The following ATAD3B variants were observed in gnomAD, a reference collection of about 807,000 sequenced individuals.
ATAD3B encodes the protein ATPase family AAA domain-containing protein 3B.
In ATAD3B, 59 loss-of-function variants were observed where a neutral mutation model predicts 70.2. That is an observed-to-expected ratio of 0.84 (90% confidence interval 0.68 to 1.04). The LOEUF is 1.04. ATAD3B is among the 50% of genes least tolerant of loss of function. ATAD3B has a pLI of 0.00. For missense variants in ATAD3B, 961 were observed against 913.4 expected (o/e 1.05, Z -0.67); for synonymous variants, 423 against 388.6 (o/e 1.09, Z -1.04).
In ATAD3B at chr1:1,490,562, G is replaced by T; in HGVS notation, c.1506-1G>T. On this transcript the variant is annotated splice_acceptor_variant, in intron 14 of 15. Coordinates refer to ENST00000673477, the MANE Select transcript of ATAD3B (RefSeq NM_031921.6). LOFTEE classifies it high-confidence loss of function. ...GCCTCACTTGGGAACTCCTTCCCCA[G>T]GCGCCTGAAGCTGGCCCAGTTTGAC... 1.9e-6 allele frequency: 3 copies of T among 1,611,122 alleles called. No homozygotes were observed. Among genetic ancestry groups the T allele is most frequent in the African/African-American group, 1.3e-5 (1 of 75,026 alleles).
Position 1,495,518 on chromosome 1 carries a change from A to G in ATAD3B, c.1648A>G (p.Thr550Ala), listed in dbSNP as rs1230250422. The change falls in exon 16 of 16, where the codon ACT (threonine) becomes GCT (alanine). Residue 550 changes from threonine (T) to alanine (A), a missense_variant. Coordinates refer to ENST00000673477, the MANE Select transcript of ATAD3B (RefSeq NM_031921.6). The part of the protein sequence containing the change: ...TAYASKDGVL[T>A]EAMMDACVQD... ...ATATGCCTCCAAGGACGGGGTCCTCACTGAGGCCATGATGGACGCCTGTGT... is the reference window on the plus strand; with the variant it reads ...ATATGCCTCCAAGGACGGGGTCCTCGCTGAGGCCATGATGGACGCCTGTGT... The G allele has an allele frequency of 1.2e-6, 2 of 1,611,148 alleles. No homozygotes were observed. Among genetic ancestry groups the G allele is most frequent in the Non-Finnish European group, 1.7e-6 (2 of 1,177,960 alleles).
chr1:1,480,041 C>T lies in ATAD3B; in HGVS notation c.445-826C>T, dbSNP rs1325691831. Among the ~76,000 whole-genome samples, 7 of 146,210 alleles carry T rather than the reference C, an allele frequency of 4.8e-5. 2 individuals are homozygous for T. Among genetic ancestry groups the T allele is most frequent in the African/African-American group, 1.5e-4 (6 of 39,000 alleles). ...ACACATACACAACCCAGGCACACAC[C>T]CCCTTGCACAGACGGGCACGCACAC... On this transcript the variant is annotated intron_variant, in intron 4 of 15. Coordinates refer to ENST00000673477, the MANE Select transcript of ATAD3B (RefSeq NM_031921.6).
intron 7 of ATAD3B, chr1:1,484,722 A>G: frequency 1.7e-6 from 1 of 602,450 alleles, no homozygotes; most frequent in South Asian, 2.5e-5. Flanking sequence ...TGGCCCTGTG[A>G]CATCCAGCTG....
chr1:1,509,381 C>T, the ATAD3B span: 170 of 1,604,024 alleles, frequency 1.1e-4, no homozygotes, highest in Non-Finnish European at 2.2e-5. Flanking sequence ...CTCACGGAGC[C>T]TGGCCGCGGA....
At chr1:1,503,648 A>G in the ATAD3B span, 1 of 1,611,908 alleles carries the variant, frequency 6.2e-7, no homozygotes, top group African/African-American at 1.3e-5. Context: ...TTGGAGCAAC[A>G]GTCCAAGCTC....
Position 1,482,534 on chromosome 1 carries a change from T to C in ATAD3B, c.681-11T>C, listed in dbSNP as rs775366073. ...GTGTCCTTCCTGGTCACACCACTGC[T>C]TTCCCCGCAGGACGGCTGGCACCTT... is the stretch of plus-strand genomic sequence containing the variant. On this transcript the variant is annotated splice_polypyrimidine_tract_variant and intron_variant, in intron 6 of 15. Transcript: ENST00000673477. 6.4e-5 allele frequency: 103 copies of C among 1,613,280 alleles called. 2 individuals are homozygous for C. The highest frequency in any genetic ancestry group is 8.4e-5 in the Non-Finnish European group (99 of 1,179,544).
At chr1:1,494,167 G>A (rs1231685535) in intron 15 of ATAD3B, among the ~76,000 whole-genome samples, 1 of 150,360 alleles carries the variant, frequency 6.7e-6, no homozygotes, top group Admixed American at 6.6e-5. Context: ...GGACCCACCC[G>A]CGACCAGGTT....
chr1:1,498,469 TTAAAAAA>T (rs1303014503), downstream of ATAD3B, among the ~76,000 whole-genome samples: 3 of 151,696 alleles, frequency 2.0e-5, no homozygotes, highest in Non-Finnish European at 4.4e-5. Flanking sequence ...TCAAAATAAA[TTAAAAAA>T]TAAAAATAAA....
At chr1:1,501,063 A>T (rs114337282), downstream of ATAD3B, among the ~76,000 whole-genome samples, 1 of 152,120 alleles carries the variant, frequency 6.6e-6, no homozygotes, top group Non-Finnish European at 1.5e-5. Flanking sequence ...GCTTGAGCAG[A>T]CCAATTATTA....
downstream of ATAD3B, among the ~76,000 whole-genome samples, chr1:1,499,327 C>G (rs2100614049): frequency 1.6e-5 from 2 of 128,212 alleles, 1 homozygote; most frequent in African/African-American, 6.1e-5. Flanking sequence ...ACTTCTGCCT[C>G]TTGGGTTCAA....
At chr1:1,493,174 C>A (rs1191965709) in intron 15 of ATAD3B, among the ~76,000 whole-genome samples, 3 of 151,922 alleles carry the variant, frequency 2.0e-5, no homozygotes, top group African/African-American at 7.2e-5. Flanking sequence ...GCATTTTCTA[C>A]ACATAAGATT....
chr1:1,490,566 C>T lies in ATAD3B; in HGVS notation c.1509C>T (p.Arg503=), dbSNP rs1346888138. 3 of 1,610,888 alleles carry T rather than the reference C, an allele frequency of 1.9e-6. No individual in the cohort carries two copies. The highest frequency in any genetic ancestry group is 2.5e-6 in the Non-Finnish European group (3 of 1,179,000). Residue 503 remains arginine (R), a synonymous_variant, in exon 15 of 16, where the codon CGC becomes CGT. Transcript: ENST00000673477. Reference sequence around the variant, plus strand: ...CACTTGGGAACTCCTTCCCCAGGCGCCTGAAGCTGGCCCAGTTTGACTACG... The same window carrying T: ...CACTTGGGAACTCCTTCCCCAGGCGTCTGAAGCTGGCCCAGTTTGACTACG... The part of the protein sequence containing the change: ...VLKPATEGKR[R]LKLAQFDYGR...
intron 12 of ATAD3B, among the ~76,000 whole-genome samples, chr1:1,488,646 C>A (rs1640365951): frequency 6.6e-6 from 1 of 151,924 alleles, no homozygotes; most frequent in Non-Finnish European, 1.5e-5. Flanking sequence ...GTAATCCCAG[C>A]TGCTCAGGAT....
At chr1:1,473,364 G>C (rs557173684) in intron 1 of ATAD3B, among the ~76,000 whole-genome samples, 1 of 150,562 alleles carries the variant, frequency 6.6e-6, no homozygotes, top group African/African-American at 2.4e-5. Context: ...TCCTGACCTC[G>C]TGATTAATTT....
rs1640210183 is a variant in ATAD3B, at chr1:1,486,247, T to C, written c.1089+12T>C. On this transcript the variant is annotated intron_variant, in intron 10 of 15. Coordinates refer to ENST00000673477, the MANE Select transcript of ATAD3B (RefSeq NM_031921.6). Reference sequence around the variant, plus strand: ...CGCTGTTTGCCAAGGTGAGAGCGCCTGGCTGAACAGGTGGGCCAGGGGCCG... The same window carrying C: ...CGCTGTTTGCCAAGGTGAGAGCGCCCGGCTGAACAGGTGGGCCAGGGGCCG... 7 of 1,612,640 alleles carry C rather than the reference T, an allele frequency of 4.3e-6. No homozygotes were observed. The East Asian group carries it at 1.6e-4, about 36-fold the overall frequency.
the ATAD3B span, among the ~76,000 whole-genome samples, chr1:1,503,828 G>T: frequency 6.6e-6 from 1 of 152,166 alleles, no homozygotes; most frequent in Admixed American, 6.5e-5. Flanking sequence ...ACAAGGGGAG[G>T]TGAGAGACAG....
At position 1,496,988 on chromosome 1, in the gene ATAD3B, T is replaced by C. The variant is rs1364886772; in HGVS notation, c.*1171T>C. 7.2e-6 allele frequency: 1 copy of C among 139,560 alleles called. No homozygotes were observed. Among genetic ancestry groups the C allele is most frequent in the Non-Finnish European group, 1.5e-5 (1 of 67,678 alleles). The allele number at this position is 139,560 out of a possible 1,614,324, so 8.6% of individuals were successfully genotyped here. The stretch of plus-strand genomic sequence containing the variant: ...ACAGCAACGAGACAGCACAGTGCCA[T>C]GGCGCAGAGCCTCATATTGGTCGAT... On this transcript the variant is annotated 3_prime_UTR_variant, in exon 16 of 16. Transcript: ENST00000673477.
Position 1,496,149 on chromosome 1 carries a change from G to A in ATAD3B, c.*332G>A. 1 of 1,096,538 alleles carries A rather than the reference G, an allele frequency of 9.1e-7. No individual in the cohort carries two copies. Among genetic ancestry groups the A allele is most frequent in the Non-Finnish European group, 1.1e-6 (1 of 899,786 alleles). The allele number at this position is 1,096,538 out of a possible 1,614,324, so 67.9% of individuals were successfully genotyped here. ...CCGCCCTGTCAGCTGGCCGGTCCAA[G>A]CCTGTGGCTGGAGCTGGTGTGTGTT... is the stretch of plus-strand genomic sequence containing the variant. On this transcript the variant is annotated 3_prime_UTR_variant, in exon 16 of 16. Coordinates refer to ENST00000673477, the MANE Select transcript of ATAD3B (RefSeq NM_031921.6).
At chr1:1,483,090 C>G (rs568504162) in intron 7 of ATAD3B, 11 of 452,620 alleles carry the variant, frequency 2.4e-5, no homozygotes, top group South Asian at 1.4e-4. Context: ...GTCCGGAGAT[C>G]GAGATCATCC....
Sources: gnomAD v4.1 joint callset for allele counts (sites outside exome capture counted in the v4.1 genomes callset) on GRCh38, gnomAD v4.1.1 for gene constraint, MANE v1.5 for transcripts, NCBI Gene and HGNC (gene_info 2026-07-23, HGNC 2026-07-21) for gene names.